MAD1L1: variants seen among roughly 807,000 people sequenced by gnomAD.
The protein encoded by MAD1L1 is mitotic spindle assembly checkpoint protein MAD1.
MAD1L1 carries 95 observed loss-of-function variants against 96.9 expected under a neutral mutation model. The ratio of observed to expected loss-of-function variants is 0.98; its 90% CI spans 0.83 to 1.16. MAD1L1 has a LOEUF of 1.16. Ranked by LOEUF, MAD1L1 falls within the 50% of genes most tolerant of loss-of-function variation. The pLI is 0.00. For missense variants in MAD1L1, 1,007 were observed against 954.4 expected (o/e 1.06, Z -0.73); for synonymous variants, 473 against 396.6 (o/e 1.19, Z -2.29).
chr7:2,173,007 CT>C (rs1790782888), intron 10 of MAD1L1, among the ~76,000 whole-genome samples: 1 of 152,234 alleles, frequency 6.6e-6, no homozygotes, highest in African/African-American at 2.4e-5. Flanking sequence ...GTCGAATCTC[CT>C]TTTCTTCCAT....
At chr7:1,903,994 G>C (rs1406574370) in intron 17 of MAD1L1, among the ~76,000 whole-genome samples, 17 of 125,148 alleles carry the variant, frequency 1.4e-4, no homozygotes, top group Non-Finnish European at 9.0e-5. Context: ...CACTGTTCCA[G>C]GCAGCGAGGA....
At chr7:2,131,215 G>A (rs1249586034) in intron 11 of MAD1L1, among the ~76,000 whole-genome samples, 1 of 152,186 alleles carries the variant, frequency 6.6e-6, no homozygotes, top group Admixed American at 6.5e-5. Context: ...CTCATCCCAG[G>A]CACTTCAGGA....
intron 10 of MAD1L1, among the ~76,000 whole-genome samples, chr7:2,170,027 A>AG (rs1311902211): frequency 2.6e-5 from 4 of 152,218 alleles, no homozygotes; most frequent in Admixed American, 2.6e-4. Flanking sequence ...ATGCATCCGA[A>AG]GGGGCCCTGC....
At chr7:1,904,909 C>T (rs375283299) in intron 17 of MAD1L1, among the ~76,000 whole-genome samples, 3 of 62,868 alleles carry the variant, frequency 4.8e-5, no homozygotes, top group African/African-American at 2.0e-4. Context: ...AGGATGCAGT[C>T]GCCTATGGAA....
chr7:1,825,468 T>G (rs1330328906), intron 18 of MAD1L1, among the ~76,000 whole-genome samples: 3 of 152,206 alleles, frequency 2.0e-5, no homozygotes, highest in Admixed American at 6.5e-5. Context: ...GCTGGTCAGG[T>G]GGCCACAGCA....
At chr7:2,147,714 C>A (rs1338221750) in intron 11 of MAD1L1, among the ~76,000 whole-genome samples, 5 of 152,238 alleles carry the variant, frequency 3.3e-5, no homozygotes, top group African/African-American at 1.2e-4. Flanking sequence ...GACCACCTGC[C>A]CACTGTAGAG....
Position 2,039,373 on chromosome 7 carries a change from C to T in MAD1L1, c.1219-24731G>A, listed in dbSNP as rs747167981. On this transcript the variant is annotated intron_variant, in intron 12 of 18. Coordinates refer to ENST00000265854, the MANE Select transcript of MAD1L1 (RefSeq NM_001013836.2). ...AACCTCGGTTTTATTTCACTGGAAT[C>T]GACACCCAGGAATGCGACTGCTGGT... Among the ~76,000 whole-genome samples, 10 of 152,292 alleles carry T rather than the reference C, an allele frequency of 6.6e-5. 1 individual carries two copies. The South Asian group carries it at 1.9e-3, about 28-fold the overall frequency.
At chr7:2,031,182 G>C (rs1783210238) in intron 12 of MAD1L1, among the ~76,000 whole-genome samples, 3 of 152,148 alleles carry the variant, frequency 2.0e-5, no homozygotes. Flanking sequence ...GAAGCACGGG[G>C]TCCTCTCCCA....
intron 17 of MAD1L1, among the ~76,000 whole-genome samples, chr7:1,911,383 C>T (rs536178908): frequency 1.3e-5 from 2 of 152,302 alleles, no homozygotes; most frequent in African/African-American, 2.4e-5. Context: ...GCACTGCCCC[C>T]GGCGCAGTCA....
chr7:2,118,047 C>T (rs1379227633), intron 11 of MAD1L1, among the ~76,000 whole-genome samples: 1 of 152,190 alleles, frequency 6.6e-6, no homozygotes, highest in East Asian at 1.9e-4. Flanking sequence ...AGGATCAGGC[C>T]ACCCAACTGC....
At chr7:1,947,171 G>T (rs1459023593) in intron 16 of MAD1L1, among the ~76,000 whole-genome samples, 1 of 152,222 alleles carries the variant, frequency 6.6e-6, no homozygotes, top group Non-Finnish European at 1.5e-5. Context: ...GGTGCGTGCA[G>T]GAGCTGGGTG....
At chr7:2,206,433 T>C (rs1792601406) in intron 10 of MAD1L1, among the ~76,000 whole-genome samples, 1 of 152,242 alleles carries the variant, frequency 6.6e-6, no homozygotes, top group African/African-American at 2.4e-5. Flanking sequence ...TTGTGACTTT[T>C]ACACATAGGT....
At chr7:2,009,422 C>T (rs1268236063) in intron 13 of MAD1L1, among the ~76,000 whole-genome samples, 2 of 152,044 alleles carry the variant, frequency 1.3e-5, no homozygotes, top group Non-Finnish European at 1.5e-5. Flanking sequence ...GTCATGGTCA[C>T]GGTCACGTGG....
In MAD1L1 at chr7:2,156,413, C is replaced by G. The variant is rs1789850140; in HGVS notation, c.987-7175G>C. ...GCAACTCCAGCCTGCCCCGCCCCAC[C>G]CCACCCCACTGAATCAAGACCCCCC... On this transcript the variant is annotated intron_variant, in intron 10 of 18. Coordinates refer to ENST00000265854, the MANE Select transcript of MAD1L1 (RefSeq NM_001013836.2). Among the ~76,000 whole-genome samples, 6 of 152,250 alleles carry G rather than the reference C, an allele frequency of 3.9e-5. No homozygotes were observed. The South Asian group carries it at 1.2e-3, about 32-fold the overall frequency.
intron 11 of MAD1L1, among the ~76,000 whole-genome samples, chr7:2,124,504 G>C (rs1343127704): frequency 6.6e-6 from 1 of 152,206 alleles, no homozygotes; most frequent in Non-Finnish European, 1.5e-5. Context: ...CAGCCTGAGG[G>C]GACAGCCGGC....
intron 14 of MAD1L1, among the ~76,000 whole-genome samples, chr7:1,990,035 T>G (rs1481833330): frequency 6.6e-6 from 1 of 152,212 alleles, no homozygotes; most frequent in Non-Finnish European, 1.5e-5. Flanking sequence ...GAGGAGGAGC[T>G]GGGTAACTCC....
chr7:2,172,045 C>T (rs1447533185), intron 10 of MAD1L1, among the ~76,000 whole-genome samples: 1 of 152,184 alleles, frequency 6.6e-6, no homozygotes, highest in Non-Finnish European at 1.5e-5. Context: ...TGTGAGTCCT[C>T]AGGACAGCTG....
chr7:1,987,359 C>G (rs1781198285), intron 14 of MAD1L1, among the ~76,000 whole-genome samples: 1 of 152,208 alleles, frequency 6.6e-6, no homozygotes, highest in African/African-American at 2.4e-5. Context: ...ATGGTGGGCA[C>G]AGACGCGGCA....
At chr7:1,939,024 TGGGCCAGGGCTG>T (rs1369410758) in intron 16 of MAD1L1, among the ~76,000 whole-genome samples, 1 of 56,224 alleles carries the variant, frequency 1.8e-5, no homozygotes, top group African/African-American at 7.4e-5. Flanking sequence ...CACACACACA[TGGGCCAGGGCTG>T]GGGCCAGAGG....
Sources: allele counts gnomAD v4.1 joint callset (sites outside exome capture counted in the v4.1 genomes callset), GRCh38; gene constraint gnomAD v4.1.1; transcripts MANE v1.5; gene names NCBI Gene and HGNC (gene_info 2026-07-23, HGNC 2026-07-21).